Variants in PPP1R9A observed in about 807,000 individuals in gnomAD.
The protein encoded by PPP1R9A is protein phosphatase 1 regulatory subunit 9A.
A neutral mutation model predicts 141.9 loss-of-function variants in PPP1R9A; 59 were observed. That is an observed-to-expected ratio of 0.42 (90% CI 0.34 to 0.52). The LOEUF is 0.52. Among genes scored for constraint, PPP1R9A ranks in the 20% least tolerant of loss-of-function variants. The pLI is 0.10. For synonymous variants in PPP1R9A, 500 were observed against 569.7 expected, an observed-to-expected ratio of 0.88 and a Z score of 1.74; for missense variants, 1,444 against 1,611.9, an observed-to-expected ratio of 0.90 and a Z score of 1.78.
At chr7:94,965,262 T>C (rs1359609686) in intron 2 of PPP1R9A, among the ~76,000 whole-genome samples, 3 of 152,184 alleles carry the variant, frequency 2.0e-5, no homozygotes, top group Non-Finnish European at 4.4e-5. Flanking sequence ...TCTCCCATTC[T>C]ATAGGTTGCC....
intron 18 of PPP1R9A, 144 bp from the exon 19 acceptor site, chr7:95,288,392 T>C: frequency 8.5e-7 from 1 of 1,179,754 alleles, no homozygotes; most frequent in Non-Finnish European, 1.1e-6. Context: ...GTATTTTTTC[T>C]AACACCACTA....
intron 2 of PPP1R9A, among the ~76,000 whole-genome samples, chr7:94,984,538 C>G (rs1330605773): frequency 2.6e-5 from 4 of 152,098 alleles, no homozygotes; most frequent in Non-Finnish European, 5.9e-5. Flanking sequence ...AGAGATTCAG[C>G]TTCTTCCTTG....
intron 5 of PPP1R9A, among the ~76,000 whole-genome samples, chr7:95,179,898 G>T (rs1184502053): frequency 1.3e-5 from 2 of 151,620 alleles, no homozygotes; most frequent in Non-Finnish European, 2.9e-5. Flanking sequence ...ATGGAAACAC[G>T]TCCCGTGCTC....
At position 94,940,004 on chromosome 7, in the gene PPP1R9A, G is replaced by T. The variant is rs191229571; in HGVS notation, c.1395+28496G>T. Among the ~76,000 whole-genome samples the T allele has an allele frequency of 3.9e-3, 600 of 151,984 alleles. 2 individuals are homozygous for T. The highest frequency in any genetic ancestry group is 0.018 in the South Asian group (86 of 4,814). On this transcript the variant is annotated intron_variant, in intron 2 of 19. Coordinates refer to ENST00000433360, the MANE Select transcript of PPP1R9A (RefSeq NM_001166160.2). ...CACTTCTATGACCAGCACTTGGTAG[G>T]CCCCTAGGACATAATAACTGCTCAG...
At chr7:94,941,399 G>A (rs1331109173) in intron 2 of PPP1R9A, among the ~76,000 whole-genome samples, 1 of 152,118 alleles carries the variant, frequency 6.6e-6, no homozygotes, top group African/African-American at 2.4e-5. Context: ...GATTGGAATT[G>A]TATCTTTATA....
intron 8 of PPP1R9A, among the ~76,000 whole-genome samples, chr7:95,231,897 GC>G (rs1796010355): frequency 6.6e-6 from 1 of 151,882 alleles, no homozygotes; most frequent in South Asian, 2.1e-4. Flanking sequence ...GAAGATCAGA[GC>G]AAAACTAAAT....
At chr7:95,222,585 G>C (rs1289995003) in intron 7 of PPP1R9A, among the ~76,000 whole-genome samples, 1 of 151,978 alleles carries the variant, frequency 6.6e-6, no homozygotes, top group Non-Finnish European at 1.5e-5. Context: ...ATCTCTGTCA[G>C]TTTTTTACCC....
rs776560559 is a variant in PPP1R9A at position 94,911,192 on chromosome 7, A to T, written c.1079A>T (p.Gln360Leu). Reference sequence around the variant, plus strand: ...GTTGGAAGGGAGGCAGCAAAGCAACAGAGGAAAGAACTTGCAGGTGGTGAT... The same window carrying T: ...GTTGGAAGGGAGGCAGCAAAGCAACTGAGGAAAGAACTTGCAGGTGGTGAT... ...NLVGREAAKQ[Q>L]RKELAGGDFT... Residue 360 changes from glutamine (Q) to leucine (L), a missense_variant, in exon 2 of 20, where the codon CAG becomes CTG. Transcript: ENST00000433360. 2 of 1,614,228 alleles carry T rather than the reference A, an allele frequency of 1.2e-6. No homozygotes were observed. Among genetic ancestry groups the T allele is most frequent in the Admixed American group, 3.3e-5 (2 of 60,022 alleles).
chr7:95,239,114 C>T (rs933991474), intron 8 of PPP1R9A, among the ~76,000 whole-genome samples: 1 of 151,920 alleles, frequency 6.6e-6, no homozygotes, highest in Non-Finnish European at 1.5e-5. Flanking sequence ...AAAAGTGACA[C>T]GATGTGTTTT....
intron 2 of PPP1R9A, among the ~76,000 whole-genome samples, chr7:94,937,165 A>G (rs557430695): frequency 6.6e-6 from 1 of 152,162 alleles, no homozygotes; most frequent in African/African-American, 2.4e-5. Flanking sequence ...TATTTTGTGT[A>G]CATGTCTGAG....
At chr7:95,151,017 G>A (rs1828568000) in intron 4 of PPP1R9A, among the ~76,000 whole-genome samples, 1 of 152,178 alleles carries the variant, frequency 6.6e-6, no homozygotes, top group African/African-American at 2.4e-5. Flanking sequence ...AACAAATGCT[G>A]ACAAGGATGT....
intron 5 of PPP1R9A, among the ~76,000 whole-genome samples, chr7:95,189,715 C>T (rs1348431637): frequency 1.3e-5 from 2 of 152,016 alleles, no homozygotes; most frequent in Non-Finnish European, 2.9e-5. Flanking sequence ...GGATTACAGG[C>T]GTGAGCCACC....
chr7:95,199,840 A>G (rs568886882), intron 6 of PPP1R9A, among the ~76,000 whole-genome samples: 4 of 152,206 alleles, frequency 2.6e-5, no homozygotes, highest in African/African-American at 9.6e-5. Context: ...TTACATTAGT[A>G]TTTTGTATTT....
At chr7:95,238,690 G>A (rs918369717) in intron 8 of PPP1R9A, among the ~76,000 whole-genome samples, 12 of 152,052 alleles carry the variant, frequency 7.9e-5, no homozygotes, top group African/African-American at 2.9e-4. Flanking sequence ...TACTGCACTG[G>A]CACTTTCCCC....
chr7:95,006,798 A>T (rs1803669695), intron 2 of PPP1R9A, among the ~76,000 whole-genome samples: 1 of 152,044 alleles, frequency 6.6e-6, no homozygotes, highest in Admixed American at 6.6e-5. Context: ...CCTGTTGAGC[A>T]ATTCAGTTGT....
chr7:94,967,174 C>A (rs895011686), intron 2 of PPP1R9A, among the ~76,000 whole-genome samples: 16 of 152,006 alleles, frequency 1.1e-4, no homozygotes, highest in African/African-American at 3.6e-4. Flanking sequence ...TCCCCCTTAT[C>A]ATTTTTGTTG....
chr7:95,197,505 C>T (rs1292411686), intron 5 of PPP1R9A, among the ~76,000 whole-genome samples: 1 of 152,010 alleles, frequency 6.6e-6, no homozygotes, highest in Non-Finnish European at 1.5e-5. Context: ...ACTATCTTTC[C>T]CCCCAAAGGA....
At chr7:95,186,381 A>G (rs1834655030) in intron 5 of PPP1R9A, among the ~76,000 whole-genome samples, 1 of 152,108 alleles carries the variant, frequency 6.6e-6, no homozygotes, top group Admixed American at 6.6e-5. Context: ...CTGAAATCTT[A>G]CTGAACTTAT....
chr7:95,132,167 A>T (rs1008486207), intron 4 of PPP1R9A, among the ~76,000 whole-genome samples: 4 of 151,934 alleles, frequency 2.6e-5, no homozygotes, highest in African/African-American at 9.7e-5. Context: ...TCTTATTTGG[A>T]TGTCTTATTT....
Sources: gnomAD v4.1 joint callset for allele counts (sites outside exome capture counted in the v4.1 genomes callset) on GRCh38, gnomAD v4.1.1 for gene constraint, MANE v1.5 for transcripts, NCBI Gene and HGNC (gene_info 2026-07-23, HGNC 2026-07-21) for gene names.